The following RPS6KA2 variants were observed in gnomAD, a reference collection of about 807,000 sequenced individuals.
RPS6KA2 encodes the protein ribosomal protein S6 kinase alpha-2.
RPS6KA2 carries 42 observed loss-of-function variants against 91.8 expected under a neutral mutation model. The ratio of observed to expected loss-of-function variants is 0.46; its 90% CI spans 0.36 to 0.59. The LOEUF (loss-of-function observed/expected upper bound fraction) is 0.59, where lower values mean the gene tolerates loss of function less well. RPS6KA2 is among the 20% of genes least tolerant of loss of function. The pLI is 0.00. For synonymous variants in RPS6KA2, 414 were observed against 393.6 expected (o/e 1.05, Z -0.61); for missense variants, 798 against 978.5 (o/e 0.82, Z 2.46).
intron 1 of RPS6KA2, chr6:166,862,102 A>T: frequency 6.2e-7 from 1 of 1,614,180 alleles, no homozygotes; most frequent in Non-Finnish European, 8.5e-7. Context: ...TCTCTCCTGC[A>T]CTCACCTCTA....
intron 10 of RPS6KA2, chr6:166,475,949 G>T (rs1195650659): frequency 2.4e-6 from 1 of 409,814 alleles, no homozygotes; most frequent in Non-Finnish European, 5.1e-6. Context: ...CAGAAACTCT[G>T]GGAGGGGTCA....
chr6:166,572,735 T>A (rs3823200), intron 1 of RPS6KA2, among the ~76,000 whole-genome samples: 25,311 of 152,060 alleles, frequency 0.17, 2,919 homozygotes, highest in East Asian at 0.5. Flanking sequence ...TGAGGGTCCT[T>A]GGGGGACACA....
intron 2 of RPS6KA2, among the ~76,000 whole-genome samples, chr6:166,833,231 A>C (rs911376185): frequency 5.9e-5 from 9 of 152,248 alleles, no homozygotes; most frequent in Non-Finnish European, 1.2e-4. Context: ...GGAAGAAACC[A>C]TTCTTAGCCA....
intron 19 of RPS6KA2, among the ~76,000 whole-genome samples, chr6:166,417,897 A>C (rs951909499): frequency 6.6e-6 from 1 of 151,900 alleles, no homozygotes; most frequent in African/African-American, 2.4e-5. Flanking sequence ...GAAACAAAAA[A>C]GTTTTAGTAC....
At chr6:166,477,331 G>C (rs1285364822) in intron 10 of RPS6KA2, among the ~76,000 whole-genome samples, 3 of 152,124 alleles carry the variant, frequency 2.0e-5, no homozygotes, top group Admixed American at 6.5e-5. Flanking sequence ...TGAGCTTCCA[G>C]GGGGCTGGTA....
At chr6:166,458,588 G>A (rs1780176913) in intron 12 of RPS6KA2, among the ~76,000 whole-genome samples, 1 of 152,174 alleles carries the variant, frequency 6.6e-6, no homozygotes. Context: ...AATCCAAGAG[G>A]ACTAGTGTCC....
At chr6:166,417,803 T>C (rs967871170) in intron 19 of RPS6KA2, among the ~76,000 whole-genome samples, 9 of 152,120 alleles carry the variant, frequency 5.9e-5, no homozygotes, top group African/African-American at 1.9e-4. Flanking sequence ...TGGTGGCTCA[T>C]ACCTGTAATC....
At chr6:166,609,865 G>A (rs1413347157) in intron 1 of RPS6KA2, among the ~76,000 whole-genome samples, 4 of 151,916 alleles carry the variant, frequency 2.6e-5, no homozygotes, top group Admixed American at 6.5e-5. Flanking sequence ...GTAATTACTC[G>A]AAAATGGGAA....
chr6:166,484,933 A>C (rs571007312), intron 10 of RPS6KA2, among the ~76,000 whole-genome samples: 2 of 152,374 alleles, frequency 1.3e-5, no homozygotes, highest in South Asian at 4.1e-4. Context: ...CGAGAATTCA[A>C]GTCAGATAAT....
intron 1 of RPS6KA2, among the ~76,000 whole-genome samples, chr6:166,606,169 A>T (rs1308131409): frequency 1.3e-5 from 2 of 152,236 alleles, no homozygotes; most frequent in Admixed American, 1.3e-4. Flanking sequence ...GGTGCACACC[A>T]TACAAGACTA....
intron 1 of RPS6KA2, among the ~76,000 whole-genome samples, chr6:166,574,039 C>T (rs970746644): frequency 6.6e-6 from 1 of 152,270 alleles, no homozygotes; most frequent in African/African-American, 2.4e-5. Context: ...ACACTCAGGC[C>T]CTGCCGTGGT....
intron 17 of RPS6KA2, among the ~76,000 whole-genome samples, chr6:166,421,683 C>T (rs1047641353): frequency 2.0e-5 from 3 of 152,168 alleles, no homozygotes; most frequent in African/African-American, 7.2e-5. Context: ...GTGAGGATGA[C>T]TCCTTCTCTG....
At chr6:166,505,109 T>A (rs1188717487) in intron 5 of RPS6KA2, among the ~76,000 whole-genome samples, 1 of 152,158 alleles carries the variant, frequency 6.6e-6, no homozygotes, top group Non-Finnish European at 1.5e-5. Flanking sequence ...CTACGTAACC[T>A]GCTGTCAACC....
At chr6:166,574,124 G>A (rs1024077297) in intron 1 of RPS6KA2, among the ~76,000 whole-genome samples, 14 of 152,178 alleles carry the variant, frequency 9.2e-5, no homozygotes, top group Non-Finnish European at 7.3e-5. Context: ...CGTGCTGACC[G>A]AGGCCAGGTG....
rs941803005 is a variant in RPS6KA2, at chr6:166,564,231, G to A, written c.100-25447C>T. Among the ~76,000 whole-genome samples, 7 of 152,252 alleles carry A rather than the reference G, an allele frequency of 4.6e-5. No individual in the cohort carries two copies. In the South Asian group the frequency reaches 8.3e-4, roughly 18 times the overall value. Reference sequence around the variant, plus strand: ...TGTCTTCACTCCAAGCTTGTCACCCGCATCATTCGATCAAGAGTGCCCAGA... The same window carrying A: ...TGTCTTCACTCCAAGCTTGTCACCCACATCATTCGATCAAGAGTGCCCAGA... On this transcript the variant is annotated intron_variant, in intron 1 of 20. Coordinates refer to ENST00000265678, the MANE Select transcript of RPS6KA2 (RefSeq NM_021135.6).
At chr6:166,807,343 G>T (rs1174456242) in intron 2 of RPS6KA2, among the ~76,000 whole-genome samples, 1 of 152,106 alleles carries the variant, frequency 6.6e-6, no homozygotes, top group Non-Finnish European at 1.5e-5. Flanking sequence ...CAATCCCTCA[G>T]AAAATCCTGT....
intron 2 of RPS6KA2, among the ~76,000 whole-genome samples, chr6:166,744,876 C>T (rs530496978): frequency 2.6e-5 from 4 of 152,210 alleles, no homozygotes; most frequent in African/African-American, 7.2e-5. Flanking sequence ...CCTGGGCCTT[C>T]CCCGGCTCTG....
chr6:166,502,928 G>A (rs1288767031), intron 6 of RPS6KA2, among the ~76,000 whole-genome samples: 2 of 152,112 alleles, frequency 1.3e-5, no homozygotes, highest in Admixed American at 6.5e-5. Flanking sequence ...GCCTGAAACC[G>A]GAAGTGTTTA....
intron 2 of RPS6KA2, among the ~76,000 whole-genome samples, chr6:166,700,188 T>C (rs1789468530): frequency 6.6e-6 from 1 of 152,210 alleles, no homozygotes; most frequent in Non-Finnish European, 1.5e-5. Context: ...AAACCAGCCG[T>C]TCCAAAATCT....
Sources: gnomAD v4.1 joint callset for allele counts (sites outside exome capture counted in the v4.1 genomes callset) on GRCh38, gnomAD v4.1.1 for gene constraint, MANE v1.5 for transcripts, NCBI Gene and HGNC (gene_info 2026-07-23, HGNC 2026-07-21) for gene names.